The following FAM135B variants were observed in gnomAD, a reference collection of about 807,000 sequenced individuals.
FAM135B encodes the protein family with sequence similarity 135 member B.
Under a neutral mutation model 127.7 loss-of-function variants are expected in FAM135B, and 43 were observed. The observed-to-expected ratio is 0.34, with a 90% confidence interval of 0.26 to 0.43. The LOEUF is 0.43. Ranked by LOEUF, FAM135B falls within the 20% of genes least tolerant of loss-of-function variation. The pLI, the probability that FAM135B is intolerant of heterozygous loss-of-function variation, is 1.00. For synonymous variants in FAM135B, 670 were observed against 665.1 expected (o/e 1.01, Z -0.11); for missense variants, 1,558 against 1,725.6 (o/e 0.90, Z 1.72).
At chr8:138,402,786 G>A (rs1259554346) in intron 1 of FAM135B, among the ~76,000 whole-genome samples, 1 of 152,188 alleles carries the variant, frequency 6.6e-6, no homozygotes. Flanking sequence ...AATTTGTGAG[G>A]AAATGAGCAC....
intron 2 of FAM135B, among the ~76,000 whole-genome samples, chr8:138,325,472 T>G (rs1827744595): frequency 6.6e-6 from 1 of 152,166 alleles, no homozygotes; most frequent in African/African-American, 2.4e-5. Flanking sequence ...AAAGGAAATC[T>G]GAAACCCAAA....
At chr8:138,388,602 C>T (rs780581916) in intron 1 of FAM135B, among the ~76,000 whole-genome samples, 4 of 152,084 alleles carry the variant, frequency 2.6e-5, no homozygotes, top group African/African-American at 9.7e-5. Flanking sequence ...GGCATGGAGG[C>T]ACCTTACATG....
chr8:138,233,538 C>G (rs575222293), intron 7 of FAM135B, among the ~76,000 whole-genome samples: 1 of 152,258 alleles, frequency 6.6e-6, no homozygotes, highest in East Asian at 1.9e-4. Flanking sequence ...AACACTTAAA[C>G]GTCAGACCCA....
intron 1 of FAM135B, among the ~76,000 whole-genome samples, chr8:138,377,425 C>T (rs1831549238): frequency 1.3e-5 from 2 of 152,134 alleles, no homozygotes; most frequent in Admixed American, 6.5e-5. Flanking sequence ...GGTTATTTGG[C>T]TCATGGTTGT....
Position 138,441,760 on chromosome 8 carries a change from T to C in FAM135B, c.-20+54911A>G, listed in dbSNP as rs1181045506. ...TCCTTAGATTAGCTTGAGACCTTGA[T>C]TCAAATTCGATCATATGAGTGGACC... On this transcript the variant is annotated intron_variant, in intron 1 of 19. Transcript: ENST00000395297. The C allele has an allele frequency of 6.6e-5, 10 of 151,996 alleles. No homozygotes were observed. The East Asian group carries it at 1.6e-3, about 24-fold the overall frequency. 9.4% of individuals were successfully genotyped at this position (151,996 alleles called of 1,614,324 possible).
In FAM135B at chr8:138,362,345, T is replaced by C. The variant is rs183337274; in HGVS notation, c.77+5562A>G. 4.3e-3 allele frequency among the ~76,000 whole-genome samples: 637 copies of C among 149,290 alleles called. 9 individuals are homozygous for C. Among genetic ancestry groups the C allele is most frequent in the African/African-American group, 0.015 (611 of 40,468 alleles). On this transcript the variant is annotated intron_variant, in intron 2 of 19. Coordinates refer to ENST00000395297, the MANE Select transcript of FAM135B (RefSeq NM_015912.4). ...ACAATTTGGTGATGGTAGGGACCAT[T>C]CATCTGATCATCTCCTCAAGTAGTA...
intron 8 of FAM135B, 142 bp downstream of exon 8, chr8:138,197,371 GAAT>G: frequency 1.1e-6 from 1 of 913,064 alleles, no homozygotes; most frequent in South Asian, 1.9e-5. Flanking sequence ...TCTCCTGGTA[GAAT>G]AATAAAAATC....
intron 8 of FAM135B, among the ~76,000 whole-genome samples, chr8:138,197,073 ATATGTGTGTGTGTGTGTGTG>A (rs1335554972): frequency 4.4e-5 from 5 of 113,470 alleles, no homozygotes; most frequent in Non-Finnish European, 6.8e-5. Context: ...ATATGTATGC[ATATGTGTGTGTGTGTGTGTG>A]TGTGTGTGTG....
intron 1 of FAM135B, among the ~76,000 whole-genome samples, chr8:138,416,509 T>C (rs1177712798): frequency 1.3e-5 from 2 of 152,206 alleles, no homozygotes; most frequent in Non-Finnish European, 2.9e-5. Flanking sequence ...ATCATCCTTT[T>C]AGTCTATCTT....
chr8:138,481,566 T>C (rs891451795), intron 1 of FAM135B, among the ~76,000 whole-genome samples: 77 of 152,352 alleles, frequency 5.1e-4, no homozygotes, highest in Non-Finnish European at 1.3e-4. Flanking sequence ...GTGATTGAAC[T>C]GGGTATGTTT....
chr8:138,385,596 A>C (rs2131303720), intron 1 of FAM135B, among the ~76,000 whole-genome samples: 1 of 152,180 alleles, frequency 6.6e-6, no homozygotes, highest in Middle Eastern at 3.4e-3. Flanking sequence ...GGATTGCTTG[A>C]GGTCAGAAGT....
intron 12 of FAM135B, among the ~76,000 whole-genome samples, chr8:138,156,639 C>T (rs1399494020): frequency 6.6e-6 from 1 of 152,094 alleles, no homozygotes; most frequent in South Asian, 2.1e-4. Context: ...CACAGAAATA[C>T]AAACTACCAT....
intron 3 of FAM135B, among the ~76,000 whole-genome samples, chr8:138,276,984 A>G (rs1823878026): frequency 6.6e-6 from 1 of 152,188 alleles, no homozygotes; most frequent in Non-Finnish European, 1.5e-5. Context: ...AGTGCTTGTT[A>G]TAACAACTGC....
intron 1 of FAM135B, among the ~76,000 whole-genome samples, chr8:138,413,752 C>T: frequency 6.6e-6 from 1 of 152,148 alleles, no homozygotes. Flanking sequence ...ACTCTTTCAA[C>T]CAGTTCCATA....
In FAM135B at chr8:138,146,399, T is replaced by C. The variant is rs141441484; in HGVS notation, c.3449-349A>G. ...CCATTTTGCAAGCAGTTCTTTCGAA[T>C]GGCTGATGGGGCACAATGCGACTCA... On this transcript the variant is annotated intron_variant, in intron 14 of 19. Transcript: ENST00000395297. Among the ~76,000 whole-genome samples, 64 of 152,274 alleles carry C rather than the reference T, an allele frequency of 4.2e-4. No homozygotes were observed. The East Asian group carries it at 0.012, about 29-fold the overall frequency.
chr8:138,321,519 C>T (rs2130946074), intron 2 of FAM135B, among the ~76,000 whole-genome samples: 1 of 152,280 alleles, frequency 6.6e-6, no homozygotes, highest in Non-Finnish European at 1.5e-5. Flanking sequence ...AGCAATATAG[C>T]ATTTTGATTA....
intron 6 of FAM135B, among the ~76,000 whole-genome samples, chr8:138,246,041 A>T (rs1200422622): frequency 3.3e-5 from 5 of 152,198 alleles, no homozygotes; most frequent in Non-Finnish European, 7.3e-5. Flanking sequence ...CCTTCCCTAG[A>T]GATCTGTGGA....
At chr8:138,157,584 G>T (rs1563704653) in intron 12 of FAM135B, among the ~76,000 whole-genome samples, 1 of 151,998 alleles carries the variant, frequency 6.6e-6, no homozygotes, top group Non-Finnish European at 1.5e-5. Flanking sequence ...AAGCTGATAA[G>T]CACCTTCAGC....
intron 2 of FAM135B, among the ~76,000 whole-genome samples, chr8:138,330,768 A>G (rs1429731191): frequency 6.6e-6 from 1 of 152,038 alleles, no homozygotes; most frequent in Non-Finnish European, 1.5e-5. Flanking sequence ...GAGCAGGACT[A>G]TATTTTGGAA....
Sources: allele counts gnomAD v4.1 joint callset (sites outside exome capture counted in the v4.1 genomes callset), GRCh38; gene constraint gnomAD v4.1.1; transcripts MANE v1.5; gene names NCBI Gene and HGNC (gene_info 2026-07-23, HGNC 2026-07-21).